Variants in CTNNA2 observed in about 807,000 individuals in gnomAD.
CTNNA2 encodes catenin alpha-2.
In CTNNA2, 42 loss-of-function variants were observed where a neutral mutation model predicts 101.0. The observed-to-expected ratio is 0.42, with a 90% CI of 0.32 to 0.54. CTNNA2 has a LOEUF of 0.54. CTNNA2 is among the 20% of genes least tolerant of loss of function. The probability of loss-of-function intolerance (pLI) is 0.14; values close to 1 mark genes in which losing one functional copy is unlikely to be tolerated. For synonymous variants in CTNNA2, 450 were observed against 456.4 expected, an observed-to-expected ratio of 0.99 and a Z score of 0.18; for missense variants, 871 against 1,223.1, an observed-to-expected ratio of 0.71 and a Z score of 4.29.
intron 4 of CTNNA2, among the ~76,000 whole-genome samples, chr2:79,448,215 G>A (rs1001740756): frequency 3.3e-5 from 5 of 151,918 alleles, no homozygotes; most frequent in African/African-American, 4.8e-5. Flanking sequence ...CCTTATCACA[G>A]TTTTGCAAAT....
chr2:79,350,296 C>A (rs1334397552), intron 3 of CTNNA2, among the ~76,000 whole-genome samples: 1 of 152,086 alleles, frequency 6.6e-6, no homozygotes, highest in African/African-American at 2.4e-5. Flanking sequence ...AACCTCCCCA[C>A]TTTTGGAGTT....
At chr2:80,341,825 C>CA (rs768646782) in intron 7 of CTNNA2, among the ~76,000 whole-genome samples, 9 of 152,188 alleles carry the variant, frequency 5.9e-5, no homozygotes, top group Non-Finnish European at 1.2e-4. Context: ...GTTCATACAG[C>CA]ATTATTCACA....
At chr2:80,081,258 C>T (rs996364572) in intron 7 of CTNNA2, among the ~76,000 whole-genome samples, 2 of 152,048 alleles carry the variant, frequency 1.3e-5, no homozygotes, top group African/African-American at 4.8e-5. Flanking sequence ...AGATGCTCCC[C>T]TATTCCATTT....
chr2:79,953,218 C>T (rs938496148), intron 7 of CTNNA2, among the ~76,000 whole-genome samples: 6 of 152,160 alleles, frequency 3.9e-5, no homozygotes, highest in Non-Finnish European at 8.8e-5. Context: ...AAGGTAGATT[C>T]CCACTTTTTA....
chr2:79,839,288 C>T (rs1177382558), intron 3 of CTNNA2, among the ~76,000 whole-genome samples: 6 of 151,988 alleles, frequency 3.9e-5, no homozygotes, highest in Non-Finnish European at 8.8e-5. Context: ...AGGATGCTAA[C>T]AGTATAATTT....
At chr2:79,800,620 AG>A (rs1676081419) in intron 3 of CTNNA2, among the ~76,000 whole-genome samples, 1 of 152,204 alleles carries the variant, frequency 6.6e-6, no homozygotes, top group Non-Finnish European at 1.5e-5. Context: ...CACCTGCAGA[AG>A]GGGACAACAG....
intron 2 of CTNNA2, among the ~76,000 whole-genome samples, chr2:79,696,501 G>C (rs990245833): frequency 6.6e-6 from 1 of 152,152 alleles, no homozygotes; most frequent in East Asian, 1.9e-4. Flanking sequence ...TGGATGAAAA[G>C]GGGCCACATA....
intron 11 of CTNNA2, among the ~76,000 whole-genome samples, chr2:80,546,337 TG>T (rs1692057085): frequency 6.6e-6 from 1 of 152,240 alleles, no homozygotes. Flanking sequence ...TAAAGCAGGA[TG>T]GCCTTTGATG....
intron 1 of CTNNA2, among the ~76,000 whole-genome samples, chr2:79,638,207 C>G: frequency 6.6e-6 from 1 of 152,180 alleles, no homozygotes; most frequent in East Asian, 1.9e-4. Context: ...ATTATACTAT[C>G]TTGAGATGTA....
intron 9 of CTNNA2, among the ~76,000 whole-genome samples, chr2:80,460,738 C>T (rs532707603): frequency 6.6e-6 from 1 of 152,226 alleles, no homozygotes; most frequent in African/African-American, 2.4e-5. Context: ...ACTTGCTTTT[C>T]TTATTTAAAA....
chr2:79,356,705 C>T (rs1363418706), intron 3 of CTNNA2, among the ~76,000 whole-genome samples: 2 of 152,092 alleles, frequency 1.3e-5, no homozygotes. Flanking sequence ...AGTTGCCTCA[C>T]AGAAGAAAAG....
At chr2:80,192,276 G>C (rs1187004371) in intron 7 of CTNNA2, among the ~76,000 whole-genome samples, 1 of 152,184 alleles carries the variant, frequency 6.6e-6, no homozygotes, top group African/African-American at 2.4e-5. Flanking sequence ...ACTGAAGTTA[G>C]AAACTAGGAC....
chr2:79,851,737 C>CTTTTTTTTTTTTTTTTTTTTTTT (rs11399192), intron 3 of CTNNA2, among the ~76,000 whole-genome samples: 2 of 87,122 alleles, frequency 2.3e-5, no homozygotes, highest in Non-Finnish European at 4.0e-5. Context: ...TTTTCTTTTC[C>CTTTTTTTTTTTTTTTTTTTTTTT]TTTTTTTTTT....
At chr2:79,896,446 A>G (rs1361213562) in intron 6 of CTNNA2, among the ~76,000 whole-genome samples, 1 of 152,220 alleles carries the variant, frequency 6.6e-6, no homozygotes, top group Non-Finnish European at 1.5e-5. Context: ...TCATCTGCAA[A>G]TATTAGGTTC....
At chr2:79,922,110 T>C (rs917379258) in intron 7 of CTNNA2, among the ~76,000 whole-genome samples, 2 of 152,196 alleles carry the variant, frequency 1.3e-5, no homozygotes, top group Admixed American at 6.5e-5. Flanking sequence ...ATCATACATT[T>C]CCTTTTTCCG....
intron 9 of CTNNA2, among the ~76,000 whole-genome samples, chr2:80,473,100 T>C (rs1305352369): frequency 6.6e-6 from 1 of 152,104 alleles, no homozygotes; most frequent in East Asian, 1.9e-4. Context: ...CAACTAAAGG[T>C]AAGAAGCACC....
intron 7 of CTNNA2, among the ~76,000 whole-genome samples, chr2:80,205,892 C>T (rs993229392): frequency 6.6e-6 from 1 of 152,154 alleles, no homozygotes; most frequent in Non-Finnish European, 1.5e-5. Flanking sequence ...TTGAATATAA[C>T]AACTGACACT....
intron 4 of CTNNA2, among the ~76,000 whole-genome samples, chr2:79,415,777 A>G (rs1678472920): frequency 6.6e-6 from 1 of 152,078 alleles, no homozygotes; most frequent in East Asian, 1.9e-4. Context: ...AGAATCAAAT[A>G]TGATCCTCAC....
chr2:80,376,535 A>C (rs1319236794), intron 7 of CTNNA2, among the ~76,000 whole-genome samples: 2 of 152,130 alleles, frequency 1.3e-5, no homozygotes, highest in African/African-American at 4.8e-5. Flanking sequence ...GTGTTTTAGC[A>C]GGGAACTTCT....
Sources: allele counts gnomAD v4.1 joint callset (sites outside exome capture counted in the v4.1 genomes callset), GRCh38; gene constraint gnomAD v4.1.1; transcripts MANE v1.5; gene names NCBI Gene and HGNC (gene_info 2026-07-23, HGNC 2026-07-21).